The following FTO variants were observed in gnomAD, a reference collection of about 807,000 sequenced individuals.
FTO encodes alpha-ketoglutarate-dependent dioxygenase FTO.
A neutral mutation model predicts 63.9 loss-of-function variants in FTO; 47 were observed. That is an observed-to-expected ratio of 0.74 (90% CI 0.58 to 0.94). FTO has a LOEUF of 0.94. Among genes scored for constraint, FTO ranks in the 40% least tolerant of loss-of-function variants. The pLI is 0.00. For synonymous variants in FTO, 207 were observed against 224.4 expected (o/e 0.92, Z 0.69); for missense variants, 562 against 618.1 (o/e 0.91, Z 0.96).
chr16:53,745,964 C>T (rs2076641093), intron 1 of FTO, among the ~76,000 whole-genome samples: 1 of 152,092 alleles, frequency 6.6e-6, no homozygotes, highest in Non-Finnish European at 1.5e-5. Flanking sequence ...TGGTTATATA[C>T]TTATACCTTA....
chr16:53,884,605 A>G (rs933173640), intron 6 of FTO, among the ~76,000 whole-genome samples: 2 of 152,220 alleles, frequency 1.3e-5, no homozygotes, highest in African/African-American at 4.8e-5. Context: ...AACTTGGTAG[A>G]AGAAAAGTAG....
intron 8 of FTO, among the ~76,000 whole-genome samples, chr16:54,029,009 C>A (rs879941339): frequency 3.9e-5 from 6 of 152,042 alleles, no homozygotes; most frequent in Non-Finnish European, 5.9e-5. Context: ...AGCACAAATA[C>A]CTTAATTAGT....
chr16:53,986,071 G>A (rs1386051877), intron 8 of FTO, among the ~76,000 whole-genome samples: 1 of 152,168 alleles, frequency 6.6e-6, no homozygotes, highest in African/African-American at 2.4e-5. Context: ...ACGCTGATGT[G>A]GGAGTATTTT....
At chr16:53,776,490 C>G (rs562464788) in intron 1 of FTO, among the ~76,000 whole-genome samples, 2 of 152,022 alleles carry the variant, frequency 1.3e-5, no homozygotes, top group South Asian at 4.2e-4. Context: ...GCTTCAGAAC[C>G]CTTTTATACT....
intron 6 of FTO, among the ~76,000 whole-genome samples, chr16:53,882,186 A>C (rs936134846): frequency 6.6e-6 from 1 of 152,142 alleles, no homozygotes; most frequent in African/African-American, 2.4e-5. Flanking sequence ...GGGAATTTGG[A>C]GTTAAAAAAT....
chr16:53,799,121 C>A (rs758014634), intron 1 of FTO, among the ~76,000 whole-genome samples: 10 of 152,086 alleles, frequency 6.6e-5, no homozygotes, highest in Non-Finnish European at 1.5e-4. Flanking sequence ...TGGATTCAGT[C>A]TGCTAACATT....
chr16:53,845,622 C>G (rs2079597170), intron 4 of FTO, among the ~76,000 whole-genome samples: 1 of 152,282 alleles, frequency 6.6e-6, no homozygotes, highest in South Asian at 2.1e-4. Flanking sequence ...TCCAGTATCA[C>G]TAGGTATAAT....
intron 8 of FTO, among the ~76,000 whole-genome samples, chr16:54,014,592 C>G (rs1223112513): frequency 6.6e-6 from 1 of 152,020 alleles, no homozygotes; most frequent in African/African-American, 2.4e-5. Context: ...TCCTTCATAG[C>G]AAGGCAGACA....
At chr16:54,049,768 A>G (rs1360254752) in intron 8 of FTO, among the ~76,000 whole-genome samples, 2 of 152,120 alleles carry the variant, frequency 1.3e-5, no homozygotes, top group African/African-American at 2.4e-5. Context: ...GAAGGTGGCC[A>G]CTCTGAGATG....
At chr16:53,868,711 A>T (rs1033813626) in intron 4 of FTO, among the ~76,000 whole-genome samples, 1 of 152,020 alleles carries the variant, frequency 6.6e-6, no homozygotes, top group Admixed American at 6.6e-5. Flanking sequence ...CTTTATGCAG[A>T]TCTGAGTTTC....
intron 4 of FTO, among the ~76,000 whole-genome samples, chr16:53,850,529 C>T (rs1483708658): frequency 6.6e-6 from 1 of 151,978 alleles, no homozygotes; most frequent in Non-Finnish European, 1.5e-5. Context: ...TGAGCAGGTT[C>T]CTGAGTACTT....
intron 4 of FTO, 105 bp from the exon 5 acceptor site, chr16:53,873,681 C>G (rs2080566173): frequency 2.3e-6 from 2 of 872,624 alleles, no homozygotes; most frequent in Non-Finnish European, 3.7e-6. Flanking sequence ...ATTGTTATTT[C>G]TTGGAAGATA....
intron 8 of FTO, among the ~76,000 whole-genome samples, chr16:53,988,167 A>G (rs1475146810): frequency 5.9e-5 from 9 of 152,212 alleles, no homozygotes; most frequent in African/African-American, 9.6e-5. Context: ...CATTTGTTTC[A>G]TACACGTTCA....
intron 1 of FTO, among the ~76,000 whole-genome samples, chr16:53,762,500 A>G (rs2077094304): frequency 6.6e-6 from 1 of 152,152 alleles, no homozygotes; most frequent in South Asian, 2.1e-4. Flanking sequence ...ACAGACAGAA[A>G]TAGAGGCTTG....
chr16:53,864,963 G>A (rs2080267402), intron 4 of FTO, among the ~76,000 whole-genome samples: 2 of 152,240 alleles, frequency 1.3e-5, no homozygotes, highest in South Asian at 2.1e-4. Flanking sequence ...GAAGGTGGAA[G>A]CCTCAAAGTA....
intron 4 of FTO, among the ~76,000 whole-genome samples, chr16:53,853,363 T>C (rs1324936903): frequency 6.6e-6 from 1 of 152,132 alleles, no homozygotes; most frequent in East Asian, 1.9e-4. Context: ...AGTTTTTGGT[T>C]CCATGGATGA....
At chr16:53,972,799 C>T (rs1177559606) in intron 8 of FTO, among the ~76,000 whole-genome samples, 3 of 152,158 alleles carry the variant, frequency 2.0e-5, no homozygotes, top group African/African-American at 7.2e-5. Context: ...GGAGAAATCT[C>T]ACTCTTCAGT....
intron 1 of FTO, among the ~76,000 whole-genome samples, chr16:53,742,751 C>T (rs1009407512): frequency 6.6e-6 from 1 of 152,134 alleles, no homozygotes; most frequent in Non-Finnish European, 1.5e-5. Flanking sequence ...ATAAACCTAA[C>T]TGGGTATTGT....
intron 1 of FTO, among the ~76,000 whole-genome samples, chr16:53,766,470 A>G (rs1241160900): frequency 6.6e-6 from 1 of 152,070 alleles, no homozygotes; most frequent in African/African-American, 2.4e-5. Context: ...TGATTTACCC[A>G]TTTCAGTGCT....
Sources: allele counts gnomAD v4.1 joint callset (sites outside exome capture counted in the v4.1 genomes callset), GRCh38; gene constraint gnomAD v4.1.1; transcripts MANE v1.5; gene names NCBI Gene and HGNC (gene_info 2026-07-23, HGNC 2026-07-21).